The following PRSS41 variants were observed in gnomAD, a reference collection of about 807,000 sequenced individuals.
The protein encoded by PRSS41 is serine protease 41.
Under a neutral mutation model 28.8 loss-of-function variants are expected in PRSS41, and 37 were observed. The observed-to-expected ratio is 1.29, with a 90% confidence interval of 0.99 to 1.69. The LOEUF (loss-of-function observed/expected upper bound fraction) is 1.69. Among genes scored for constraint, PRSS41 ranks in the 40% most tolerant of loss-of-function variants. PRSS41 has a pLI of 0.00. For missense variants in PRSS41, 431 were observed against 400.7 expected (o/e 1.08, Z -0.65); for synonymous variants, 195 against 163.1 (o/e 1.20, Z -1.49).
In PRSS41 at chr16:2,799,581, GA is replaced by G. The variant is rs1364710991; in HGVS notation, c.541+13del. Reference sequence around the variant, plus strand: ...CAGCCCCAGTGGCAGTGAGGCTGGGGATAGACCGGGTGGGGTGATGGGGGTG... The same window carrying G: ...CAGCCCCAGTGGCAGTGAGGCTGGGGTAGACCGGGTGGGGTGATGGGGGTG... On this transcript the variant is annotated intron_variant, in intron 4 of 5. Coordinates refer to ENST00000399677, the Ensembl canonical transcript of PRSS41. 1 of 1,550,558 alleles carries G rather than the reference GA, an allele frequency of 6.4e-7. No homozygotes were observed.
intron 4 of PRSS41, among the ~76,000 whole-genome samples, chr16:2,802,009 G>C (rs1239754701): frequency 1.4e-5 from 2 of 138,590 alleles, no homozygotes; most frequent in Non-Finnish European, 3.1e-5. Context: ...GCGGCTGGCC[G>C]GGCGTGGGGC....
intron 4 of PRSS41, among the ~76,000 whole-genome samples, chr16:2,802,282 T>G (rs1415355062): frequency 5.1e-5 from 6 of 117,812 alleles, no homozygotes; most frequent in Admixed American, 1.7e-4. Context: ...TCTCAGACGA[T>G]GGGCGGCCGG....
chr16:2,805,051 C>T (rs1411015987), exon 6 of PRSS41: 1 of 1,553,896 alleles, frequency 6.4e-7, no homozygotes, highest in African/African-American at 1.4e-5. Context: ...TCCACTGGAT[C>T]CGGAGGGTGA....
chr16:2,802,057 C>G (rs559329034), intron 4 of PRSS41, among the ~76,000 whole-genome samples: 121 of 147,656 alleles, frequency 8.2e-4, no homozygotes, highest in African/African-American at 2.0e-3. Flanking sequence ...GGGTGGCTGC[C>G]GGGCGGAGAT....
intron 5 of PRSS41, among the ~76,000 whole-genome samples, 175 bp downstream of exon 5, chr16:2,804,721 C>T (rs2069009661): frequency 6.6e-6 from 1 of 152,230 alleles, no homozygotes; most frequent in African/African-American, 2.4e-5. Flanking sequence ...ATAAATTCTG[C>T]CTACACTGAT....
chr16:2,803,046 C>CTCTTATAAGGAGCACCTA (rs1236492456), intron 4 of PRSS41, among the ~76,000 whole-genome samples: 228 of 152,294 alleles, frequency 1.5e-3, no homozygotes, highest in African/African-American at 5.3e-3. Flanking sequence ...TAAAGTGACT[C>CTCTTATAAGGAGCACCTA]TCTTATAAGG....
chr16:2,798,963 C>T, exon 3 of PRSS41: 2 of 1,533,036 alleles, frequency 1.3e-6, no homozygotes, highest in South Asian at 1.2e-5. Context: ...TCCCAGAGGC[C>T]TGCGGCCACC....
At chr16:2,804,870 C>T (rs2069010781) in intron 5 of PRSS41, 44 bp from the exon 6 acceptor site, 2 of 1,481,326 alleles carry the variant, frequency 1.4e-6, no homozygotes, top group East Asian at 4.9e-5. Context: ...TCTGCTGCCC[C>T]ACCCACTCTG....
chr16:2,799,020 G>C, exon 3 of PRSS41: 1 of 1,532,638 alleles, frequency 6.5e-7, no homozygotes, highest in Non-Finnish European at 8.7e-7. Context: ...CCGCGCGCGG[G>C]CGCTGGCCAT....
At chr16:2,805,111 T>C in exon 6 of PRSS41, 1 of 1,551,420 alleles carries the variant, frequency 6.4e-7, no homozygotes, top group Non-Finnish European at 8.7e-7. Flanking sequence ...TGCTGCTCCT[T>C]GCCCTGCTGT....
Position 2,798,616 on chromosome 16 carries a change from T to C in PRSS41, c.65-20T>C. 1 of 1,516,866 alleles carries C rather than the reference T, an allele frequency of 6.6e-7. No individual in the cohort carries two copies. Among genetic ancestry groups the C allele is most frequent in the South Asian group, 1.2e-5 (1 of 82,066 alleles). The allele number at this position is 1,516,866 out of a possible 1,614,324, so 94.0% of individuals were successfully genotyped here. ...GGCCGGGAGGTGGAGGCCGCGAGGG[T>C]CACTTCTTGTGTCCTGCAGAGTCGC... On this transcript the variant is annotated intron_variant, in intron 1 of 5. Coordinates refer to ENST00000399677, the Ensembl canonical transcript of PRSS41.
rs1396743809 is a variant in PRSS41 at position 2,802,415 on chromosome 16, G to C, written c.542-1974G>C. 2.6e-5 allele frequency among the ~76,000 whole-genome samples: 4 copies of C among 151,718 alleles called. No homozygotes were observed. In the East Asian group the frequency reaches 7.8e-4, roughly 30 times the overall value. On this transcript the variant is annotated intron_variant, in intron 4 of 5. Coordinates refer to ENST00000399677, the Ensembl canonical transcript of PRSS41. ...TTTCCAGACTGGGCAGCCAGGCAGAGGGGCTCCTCACATCCCAGACGATGG... is the reference window on the plus strand; with the variant it reads ...TTTCCAGACTGGGCAGCCAGGCAGACGGGCTCCTCACATCCCAGACGATGG...
At chr16:2,805,021 C>T (rs779340192) in exon 6 of PRSS41, 5 of 1,564,888 alleles carry the variant, frequency 3.2e-6, no homozygotes, top group African/African-American at 1.4e-5. Flanking sequence ...CTGGTGTCTA[C>T]ACCAACATCA....
intron 4 of PRSS41, among the ~76,000 whole-genome samples, chr16:2,803,735 C>T (rs1439412323): frequency 6.6e-6 from 1 of 152,190 alleles, no homozygotes; most frequent in Non-Finnish European, 1.5e-5. Context: ...GATAGGTCAA[C>T]TAATGACAAA....
chr16:2,799,676 G>A (rs1183443817), intron 4 of PRSS41, 107 bp downstream of exon 4: 2 of 1,163,248 alleles, frequency 1.7e-6, no homozygotes, highest in South Asian at 1.5e-5. Context: ...TTGGTCTGGG[G>A]CTGCAACCTG....
In PRSS41 at chr16:2,804,895, C is replaced by T. The variant is rs1179834957; in HGVS notation, c.700-19C>T. The T allele has an allele frequency of 2.6e-6, 4 of 1,561,050 alleles. No homozygotes were observed. The highest frequency in any genetic ancestry group is 1.2e-5 in the South Asian group (1 of 85,012). On this transcript the variant is annotated intron_variant, in intron 5 of 5. Transcript: ENST00000399677. The stretch of plus-strand genomic sequence containing the variant: ...CACCCACTCTGCCCCAGCCTGGGCT[C>T]ACCCATGCTGCTCCCCAGGGTGACT...
rs1033453930 is a variant in PRSS41 at position 2,804,563 on chromosome 16, C to G, written c.699+17C>G. The G allele has an allele frequency of 4.6e-5, 72 of 1,548,864 alleles. No individual in the cohort carries two copies. The highest frequency in any genetic ancestry group is 5.7e-5 in the Non-Finnish European group (65 of 1,146,388). On this transcript the variant is annotated intron_variant, in intron 5 of 5. Coordinates refer to ENST00000399677, the Ensembl canonical transcript of PRSS41. ...ACCTGCAAAGTGAGTGCCTCTACCC[C>G]ACCAGGGAATCCCACCCTCTCCAGC...
rs902605740 is a variant in PRSS41 at position 2,799,472 on chromosome 16, G to C, written c.444G>C (p.Ala148=). 3.9e-6 allele frequency: 6 copies of C among 1,552,020 alleles called. No individual in the cohort carries two copies. In the Admixed American group the frequency reaches 1.2e-4, roughly 30 times the overall value. The change falls in exon 4 of 6, where the codon GCG becomes GCC. Residue 148 remains alanine, a synonymous_variant. Coordinates refer to ENST00000399677, the Ensembl canonical transcript of PRSS41. ...TGGCCTCTTCTGTCACCTACAATGC[G>C]TACATCCAGCCCATTTGCATCGAGT...
At chr16:2,799,018 G>T in exon 3 of PRSS41, 1 of 1,532,598 alleles carries the variant, frequency 6.5e-7, no homozygotes. Context: ...GTCCGCGCGC[G>T]GGCGCTGGCC....
Sources: gnomAD v4.1 joint callset for allele counts (sites outside exome capture counted in the v4.1 genomes callset) on GRCh38, gnomAD v4.1.1 for gene constraint, MANE v1.5 for transcripts, NCBI Gene and HGNC (gene_info 2026-07-23, HGNC 2026-07-21) for gene names.